ATG2B: variants seen among roughly 807,000 people sequenced by gnomAD.
ATG2B encodes autophagy related 2B.
A neutral mutation model predicts 241.3 loss-of-function variants in ATG2B; 121 were observed. The observed-to-expected ratio is 0.50, with a 90% CI of 0.43 to 0.58. ATG2B has a LOEUF of 0.58. Ranked by LOEUF, ATG2B falls within the 20% of genes least tolerant of loss-of-function variation. The pLI, the probability that ATG2B is intolerant of heterozygous loss-of-function variation, is 0.00. For missense variants in ATG2B, 2,306 were observed against 2,491.6 expected, an observed-to-expected ratio of 0.93 and a Z score of 1.59; for synonymous variants, 858 against 876.6, an observed-to-expected ratio of 0.98 and a Z score of 0.37.
At chr14:96,288,842 C>T (rs1258315249) in intron 41 of ATG2B, among the ~76,000 whole-genome samples, 4 of 150,742 alleles carry the variant, frequency 2.7e-5, no homozygotes, top group East Asian at 1.9e-4. Context: ...CTGGCACAAC[C>T]GTGTCAGAGA....
In ATG2B at chr14:96,279,392, C is replaced by T. The variant is rs1165093040; in HGVS notation, c.*6363G>A. On this transcript the variant is annotated 3_prime_UTR_variant, in exon 42 of 42. Transcript: ENST00000359933. Reference sequence around the variant, plus strand: ...CTGCAGACAGGACTAGATGACCACTCGGGTTCACTCACTCATTCATTCATT... The same window carrying T: ...CTGCAGACAGGACTAGATGACCACTTGGGTTCACTCACTCATTCATTCATT... 7.4e-6 allele frequency: 1 copy of T among 135,596 alleles called. No homozygotes were observed. Among genetic ancestry groups the T allele is most frequent in the Non-Finnish European group, 1.5e-5 (1 of 64,606 alleles). 8.4% of individuals were successfully genotyped at this position (135,596 alleles called of 1,614,324 possible). A position where few individuals can be genotyped will look rare whatever the true frequency, so the allele number is the denominator to read the frequency against.
rs1887674232 is a variant in ATG2B at position 96,329,500 on chromosome 14, G to A, written c.1865C>T (p.Pro622Leu). 1 of 1,610,938 alleles carries A rather than the reference G, an allele frequency of 6.2e-7. No homozygotes were observed. The highest frequency in any genetic ancestry group is 1.7e-4 in the Middle Eastern group (1 of 5,998). Residue 622 changes from proline to leucine, a missense_variant, in exon 12 of 42, where the codon CCT (proline) becomes CTT (leucine). Around this residue, in one of 2 missense-constraint regions of ATG2B, gnomAD observed 1,927 missense variants for 2,011.2 expected, o/e 0.96. Coordinates refer to ENST00000359933, the MANE Select transcript of ATG2B (RefSeq NM_018036.7). ...CLFPTDFHSV[P>L]PHYTELLTFH... Reference sequence around the variant, plus strand: ...AATATTTACCTCTGTATAGTGAGGAGGAACAGAATGAAAATCAGTTGGAAA... The same window carrying A: ...AATATTTACCTCTGTATAGTGAGGAAGAACAGAATGAAAATCAGTTGGAAA...
At chr14:96,308,233 TATATATATATATATATATACACAC>T (rs200642240) in intron 29 of ATG2B, among the ~76,000 whole-genome samples, 1,338 of 14,142 alleles carry the variant, frequency 0.095, 44 homozygotes, top group African/African-American at 0.12. Flanking sequence ...TATATATACA[TATATATATATATATATATACACAC>T]ATATATATAT....
At chr14:96,307,482 C>T (rs28538212) in intron 29 of ATG2B, among the ~76,000 whole-genome samples, 38,468 of 151,962 alleles carry the variant, frequency 0.25, 5,131 homozygotes, top group Non-Finnish European at 0.28. Flanking sequence ...GGCAATGTCA[C>T]AAAGACAGTT....
intron 1 of ATG2B, among the ~76,000 whole-genome samples, chr14:96,351,407 T>A (rs1888316465): frequency 6.6e-6 from 1 of 152,044 alleles, no homozygotes; most frequent in Non-Finnish European, 1.5e-5. Context: ...TTTGAGACCA[T>A]CCTGGGAGAC....
rs745805171 is a variant in ATG2B, at chr14:96,328,724, G to C, written c.1924C>G (p.Pro642Ala). The C allele has an allele frequency of 9.3e-6, 15 of 1,612,076 alleles. No individual in the cohort carries two copies. In the South Asian group the frequency reaches 1.5e-4, roughly 17 times the overall value. Reference sequence around the variant, plus strand: ...TTATAATGAAGCTGAAGACACACAGGGGAATGGGAACCAGTTTCTTCTTTG... The same window carrying C: ...TTATAATGAAGCTGAAGACACACAGCGGAATGGGAACCAGTTTCTTCTTTG... Reference protein sequence around the residue: ...HSKEETGSHSPVCLQLHYKHS... With the variant: ...HSKEETGSHSAVCLQLHYKHS... Residue 642 changes from proline (P) to alanine (A), a missense_variant, in exon 13 of 42, where the codon CCT (proline) becomes GCT (alanine). Pro to Ala is a conservative substitution (Grantham distance 27). Coordinates refer to ENST00000359933, the MANE Select transcript of ATG2B (RefSeq NM_018036.7).
intron 19 of ATG2B, 34 bp downstream of exon 19, chr14:96,317,664 C>A: frequency 6.7e-7 from 1 of 1,490,640 alleles, no homozygotes; most frequent in Non-Finnish European, 9.2e-7. Context: ...ATAAACTAGG[C>A]ATTTTAAATC....
rs74086433 is a variant in ATG2B, at chr14:96,357,390, A to G, written c.162+5425T>C. On this transcript the variant is annotated intron_variant, in intron 1 of 41. Coordinates refer to ENST00000359933, the MANE Select transcript of ATG2B (RefSeq NM_018036.7). ...CCTGCCACTGTTATTCACTATTGATACTCTGATAACTCCCATATCTTTACA... is the reference window on the plus strand; with the variant it reads ...CCTGCCACTGTTATTCACTATTGATGCTCTGATAACTCCCATATCTTTACA... Among the ~76,000 whole-genome samples the G allele has an allele frequency of 7.1e-3, 1,076 of 152,228 alleles. 13 individuals carry two copies. Among genetic ancestry groups the G allele is most frequent in the African/African-American group, 0.024 (1,008 of 41,542 alleles).
chr14:96,291,442 G>C (rs1566713246), intron 38 of ATG2B, among the ~76,000 whole-genome samples, 158 bp downstream of exon 38: 1 of 152,098 alleles, frequency 6.6e-6, no homozygotes, highest in Non-Finnish European at 1.5e-5. Context: ...CCTCAGAATA[G>C]AAATCAGTGC....
chr14:96,306,825 G>C lies in ATG2B; in HGVS notation c.4395C>G (p.Ser1465=), dbSNP rs202083543. Reference sequence around the variant, plus strand: ...GAGAGAATGAGGCATAGGTGGGGCCGGACTCCTGGGATACATTCCCACTCT... The same window carrying C: ...GAGAGAATGAGGCATAGGTGGGGCCCGACTCCTGGGATACATTCCCACTCT... The part of the protein sequence containing the change: ...PDESGNVSQE[S]GPTYASFSHH... Residue 1465 remains serine, a synonymous_variant, in exon 30 of 42, where the codon TCC becomes TCG. Coordinates refer to ENST00000359933, the MANE Select transcript of ATG2B (RefSeq NM_018036.7). The C allele has an allele frequency of 6.2e-7, 1 of 1,613,988 alleles. No homozygotes were observed.
intron 1 of ATG2B, among the ~76,000 whole-genome samples, chr14:96,354,276 T>C (rs561980511): frequency 1.6e-4 from 24 of 152,324 alleles, no homozygotes; most frequent in African/African-American, 5.5e-4. Flanking sequence ...TTCTTCCTGA[T>C]GCTCTCACTC....
In ATG2B at chr14:96,331,594, T is replaced by A. The variant is rs1481173325; in HGVS notation, c.1512A>T (p.Glu504Asp). The A allele has an allele frequency of 6.2e-7, 1 of 1,613,760 alleles. No homozygotes were observed. Among genetic ancestry groups the A allele is most frequent in the Non-Finnish European group, 8.5e-7 (1 of 1,179,890 alleles). ...TTCCCACAGCTAGTCTAAAAATAAG[T>A]TCAGGCCTTGATTCATCCACTGAAA... ...RSVSVDESRP[E>D]LIFRLAVGTF... Residue 504 changes from glutamate (E) to aspartate (D), a missense_variant, in exon 11 of 42, where the codon GAA (glutamate) becomes GAT (aspartate). Glu to Asp is a conservative substitution (Grantham distance 45). Transcript: ENST00000359933.
In ATG2B at chr14:96,285,892, G is replaced by T. The variant is rs1229568465; in HGVS notation, c.6100C>A (p.Gln2034Lys). Residue 2034 changes from glutamine to lysine, a missense_variant, in exon 42 of 42, where the codon CAG becomes AAG. By Grantham distance (53) the Gln-to-Lys change is moderately conservative. Coordinates refer to ENST00000359933, the MANE Select transcript of ATG2B (RefSeq NM_018036.7). This position sits in a 1 kb window ranked among gnomAD's most constrained non-coding sequence, Gnocchi z 4.2. ...GGTTTCACCACTGCCGGAGGAATCT[G>T]GCGCAGAACCTCGCCCACGGCACCA... ...VTGAVGEVLR[Q>K]IPPAVVKPLI... 1 of 1,614,138 alleles carries T rather than the reference G, an allele frequency of 6.2e-7. No individual in the cohort carries two copies. Among genetic ancestry groups the T allele is most frequent in the Non-Finnish European group, 8.5e-7 (1 of 1,180,038 alleles).
chr14:96,331,562 G>C lies in ATG2B; in HGVS notation c.1544C>G (p.Ser515Ter). The change falls in exon 11 of 42, where the codon TCA becomes TGA. Residue 515 changes from serine to a stop codon, truncating the protein, a stop_gained. Transcript: ENST00000359933. LOFTEE classifies it high-confidence loss of function. The part of the protein sequence containing the change: ...LIFRLAVGTF[S>*]ISVLHIDPLS... ...AGGATCAATGTGAAGCACAGAGATT[G>C]AAAAAGTTCCCACAGCTAGTCTAAA... is the stretch of plus-strand genomic sequence containing the variant. 6.2e-7 allele frequency: 1 copy of C among 1,614,068 alleles called. No homozygotes were observed. The highest frequency in any genetic ancestry group is 8.5e-7 in the Non-Finnish European group (1 of 1,179,968).
At chr14:96,298,478 C>T (rs1408664200) in intron 34 of ATG2B, among the ~76,000 whole-genome samples, 1 of 152,210 alleles carries the variant, frequency 6.6e-6, no homozygotes, top group Non-Finnish European at 1.5e-5. Flanking sequence ...AAGACTTCTA[C>T]ATAAATTTCC....
chr14:96,351,986 T>C (rs955808306), intron 1 of ATG2B, among the ~76,000 whole-genome samples: 2 of 151,710 alleles, frequency 1.3e-5, no homozygotes, highest in African/African-American at 4.8e-5. Context: ...CACTTAACAA[T>C]AATTGTAATT....
intron 1 of ATG2B, 52 bp from the exon 2 acceptor site, chr14:96,347,393 T>A (rs766981622): frequency 7.0e-7 from 1 of 1,437,790 alleles, no homozygotes; most frequent in African/African-American, 1.4e-5. Flanking sequence ...GAACACAAAG[T>A]TGTGAACTTA....
At position 96,363,273 on chromosome 14, in the gene ATG2B, T is replaced by C; in HGVS notation, c.-297A>G. 3.1e-6 allele frequency: 1 copy of C among 317,860 alleles called. No homozygotes were observed. Among genetic ancestry groups the C allele is most frequent in the Non-Finnish European group, 5.9e-6 (1 of 169,960 alleles). The allele number at this position is 317,860 out of a possible 1,614,324, so 19.7% of individuals were successfully genotyped here. On this transcript the variant is annotated 5_prime_UTR_variant, in exon 1 of 42. Transcript: ENST00000359933. ...GAGCGCGAGAGGAGGCGGCAGGGGC[T>C]GAGGCAGCCACCGCCACTGCCGCCG...
intron 1 of ATG2B, among the ~76,000 whole-genome samples, chr14:96,348,328 G>A (rs1167597011): frequency 2.0e-5 from 3 of 152,156 alleles, no homozygotes; most frequent in African/African-American, 4.8e-5. Context: ...GGTTACCAGA[G>A]GGTGGGAATG....
Sources: gnomAD v4.1 joint callset for allele counts (sites outside exome capture counted in the v4.1 genomes callset) on GRCh38, gnomAD v4.1.1 for gene constraint, gnomAD v4.1.1 regional missense constraint, Gnocchi (gnomAD v3.1) non-coding constraint, MANE v1.5 for transcripts, NCBI Gene and HGNC (gene_info 2026-07-23, HGNC 2026-07-21) for gene names.